KALRN: variants seen among roughly 807,000 people sequenced by gnomAD.
KALRN encodes the protein kalirin RhoGEF kinase.
In KALRN, 70 loss-of-function variants were observed where a neutral mutation model predicts 353.7. The observed-to-expected ratio is 0.20, with a 90% CI of 0.16 to 0.24. KALRN has a LOEUF of 0.24. Ranked by LOEUF, KALRN falls within the 10% of genes least tolerant of loss-of-function variation. The pLI, the probability that KALRN is intolerant of heterozygous loss-of-function variation, is 1.00. For missense variants in KALRN, 2,791 were observed against 3,756.7 expected (o/e 0.74, Z 6.72); for synonymous variants, 1,391 against 1,434.8 (o/e 0.97, Z 0.69).
chr3:124,288,385 G>C (rs997564896), intron 5 of KALRN, among the ~76,000 whole-genome samples: 1 of 152,078 alleles, frequency 6.6e-6, no homozygotes, highest in Non-Finnish European at 1.5e-5. Context: ...ATTTCATGGT[G>C]GGGGGAAATG....
In KALRN at chr3:124,496,329, T is replaced by C. The variant is rs751140727; in HGVS notation, c.4851T>C (p.Ile1617=). Residue 1617 remains isoleucine (I), a synonymous_variant, in exon 33 of 60, where the codon ATT becomes ATC. Transcript: ENST00000682506. ...NNSKRDGVED[I]DSQGDGSSQP... is the part of the protein sequence containing the mutation. ...CCTGCAGGGATGGAGTGGAGGATAT[T>C]GACAGCCAGGGGGATGGGAGCAGCC... The C allele has an allele frequency of 3.1e-6, 5 of 1,613,134 alleles. No homozygotes were observed. The highest frequency in any genetic ancestry group is 4.2e-6 in the Non-Finnish European group (5 of 1,179,692).
chr3:124,667,073 A>G lies in KALRN; in HGVS notation c.6593A>G (p.Asn2198Ser). The G allele has an allele frequency of 6.2e-7, 1 of 1,614,166 alleles. No individual in the cohort carries two copies. Among genetic ancestry groups the G allele is most frequent in the Non-Finnish European group, 8.5e-7 (1 of 1,180,018 alleles). ...DNDPCKFALM[N>S]RETSERVVLQ... ...GATCCCTGCAAGTTTGCACTCATGA[A>G]CAGAGAGACTTCTGAGAGGGTTGTT... The change falls in exon 47 of 60, where the codon AAC (asparagine) becomes AGC (serine). Residue 2198 changes from asparagine to serine, a missense_variant. This residue lies in a region of KALRN where 1,065 missense variants were observed against 1,156.4 expected (regional missense o/e 0.92). Coordinates refer to ENST00000682506, the MANE Select transcript of KALRN (RefSeq NM_001388419.1).
intron 22 of KALRN, among the ~76,000 whole-genome samples, chr3:124,456,156 CA>C (rs1343846196): frequency 2.0e-5 from 3 of 152,092 alleles, no homozygotes; most frequent in African/African-American, 7.2e-5. Context: ...TTTCTGTTTC[CA>C]AGGGAAATTT....
At chr3:124,060,568 C>T (rs547259573) in intron 1 of KALRN, among the ~76,000 whole-genome samples, 23 of 152,298 alleles carry the variant, frequency 1.5e-4, no homozygotes, top group Admixed American at 1.4e-3. Context: ...GTTCCCGCTT[C>T]CCCCAGCTGC....
chr3:124,610,636 G>GA (rs77665767), intron 34 of KALRN, among the ~76,000 whole-genome samples: 18,919 of 151,444 alleles, frequency 0.12, 1,283 homozygotes, highest in Middle Eastern at 0.25. Context: ...ACTAACCCTG[G>GA]GGGGGGCGGC....
At chr3:124,345,886 A>T (rs562423227) in intron 9 of KALRN, among the ~76,000 whole-genome samples, 2 of 152,218 alleles carry the variant, frequency 1.3e-5, no homozygotes, top group Non-Finnish European at 2.9e-5. Flanking sequence ...AGTCAATGGA[A>T]TGATTTGGTT....
chr3:124,231,221 C>T (rs1030420122), intron 2 of KALRN, among the ~76,000 whole-genome samples: 6 of 152,202 alleles, frequency 3.9e-5, no homozygotes, highest in African/African-American at 1.4e-4. Context: ...AGTGAGCCTC[C>T]GTTGTTATCC....
intron 7 of KALRN, among the ~76,000 whole-genome samples, chr3:124,328,471 G>T (rs2080156206): frequency 6.6e-6 from 1 of 152,200 alleles, no homozygotes; most frequent in Non-Finnish European, 1.5e-5. Flanking sequence ...CCTTGAAGGA[G>T]TGTTCCCCCC....
intron 1 of KALRN, among the ~76,000 whole-genome samples, chr3:124,106,200 T>C (rs1176659051): frequency 6.6e-6 from 1 of 152,068 alleles, no homozygotes. Flanking sequence ...CTTCCTCTGT[T>C]GTAAGGAAGG....
intron 22 of KALRN, 51 bp downstream of exon 22, chr3:124,455,410 G>A (rs2059207562): frequency 1.3e-6 from 2 of 1,537,310 alleles, no homozygotes; most frequent in South Asian, 2.3e-5. Context: ...ATCTCCCTGA[G>A]CACCACTGCC....
At chr3:124,341,022 T>C (rs2081648167) in intron 9 of KALRN, among the ~76,000 whole-genome samples, 1 of 152,202 alleles carries the variant, frequency 6.6e-6, no homozygotes, top group Non-Finnish European at 1.5e-5. Flanking sequence ...AAAGACTGTC[T>C]CCTGTGCTGA....
chr3:124,111,446 C>T (rs1461539023), intron 1 of KALRN, among the ~76,000 whole-genome samples: 1 of 152,098 alleles, frequency 6.6e-6, no homozygotes, highest in Non-Finnish European at 1.5e-5. Flanking sequence ...CAGCATTTAC[C>T]CTGTGGGACT....
At chr3:124,520,395 T>C (rs115368529) in intron 33 of KALRN, among the ~76,000 whole-genome samples, 1 of 152,306 alleles carries the variant, frequency 6.6e-6, no homozygotes, top group Non-Finnish European at 1.5e-5. Flanking sequence ...AAGGGAAATA[T>C]ATATATCTCT....
At chr3:124,630,273 G>A (rs16835753) in intron 34 of KALRN, among the ~76,000 whole-genome samples, 53,599 of 151,912 alleles carry the variant, frequency 0.35, 10,341 homozygotes, top group East Asian at 0.65. Flanking sequence ...ATTCTTCCAT[G>A]GCAGCGTGGC....
At chr3:124,291,838 A>C (rs960317363) in intron 5 of KALRN, among the ~76,000 whole-genome samples, 2 of 152,168 alleles carry the variant, frequency 1.3e-5, no homozygotes, top group Non-Finnish European at 2.9e-5. Context: ...CAATATATAA[A>C]AGTATGCCAA....
intron 37 of KALRN, among the ~76,000 whole-genome samples, chr3:124,646,978 T>C (rs2082835046): frequency 1.3e-5 from 2 of 152,218 alleles, no homozygotes; most frequent in Non-Finnish European, 2.9e-5. Flanking sequence ...CATTTCTAAG[T>C]CTTAAATCAA....
At chr3:124,659,530 T>A in intron 43 of KALRN, 73 bp downstream of exon 43, 1 of 1,015,970 alleles carries the variant, frequency 9.8e-7, no homozygotes, top group Non-Finnish European at 1.6e-6. Context: ...GAGCTAGGGG[T>A]AGAGCTAGCG....
chr3:124,376,465 G>C (rs929845561), intron 10 of KALRN, among the ~76,000 whole-genome samples: 4 of 152,106 alleles, frequency 2.6e-5, no homozygotes, highest in African/African-American at 9.7e-5. Context: ...TTCCACCAAA[G>C]ACCACTTTGC....
In KALRN at chr3:124,488,236, G is replaced by A; in HGVS notation, c.4317G>A (p.Gly1439=). ...TAACTTGCTGTGAAGAAGGGAAAGGGGAGCTCAAGGATGGCCTGGAGGTGA... is the reference window on the plus strand; with the variant it reads ...TAACTTGCTGTGAAGAAGGGAAAGGAGAGCTCAAGGATGGCCTGGAGGTGA... ...ELLTCCEEGK[G]ELKDGLEVML... The change falls in exon 29 of 60, where the codon GGG becomes GGA. Residue 1439 remains glycine, a synonymous_variant. Coordinates refer to ENST00000682506, the MANE Select transcript of KALRN (RefSeq NM_001388419.1). The A allele has an allele frequency of 6.2e-7, 1 of 1,613,770 alleles. No homozygotes were observed. The highest frequency in any genetic ancestry group is 8.5e-7 in the Non-Finnish European group (1 of 1,179,780).
Sources: gnomAD v4.1 joint callset for allele counts (sites outside exome capture counted in the v4.1 genomes callset) on GRCh38, gnomAD v4.1.1 for gene constraint, gnomAD v4.1.1 regional missense constraint, MANE v1.5 for transcripts, NCBI Gene and HGNC (gene_info 2026-07-23, HGNC 2026-07-21) for gene names.